The following POLK variants were observed in gnomAD, a reference collection of about 807,000 sequenced individuals.
The protein encoded by POLK is polymerase (DNA directed) kappa.
Under a neutral mutation model 94.0 loss-of-function variants are expected in POLK, and 76 were observed. That is an observed-to-expected ratio of 0.81 (90% CI 0.67 to 0.98). POLK has a LOEUF of 0.98. POLK is among the 50% of genes least tolerant of loss of function. POLK has a pLI of 0.00. For missense variants in POLK, 954 were observed against 1,010.1 expected, an observed-to-expected ratio of 0.94 and a Z score of 0.75; for synonymous variants, 349 against 325.4, an observed-to-expected ratio of 1.07 and a Z score of -0.78.
chr5:75,526,084 A>G (rs1422718602), intron 1 of POLK, among the ~76,000 whole-genome samples: 3 of 152,182 alleles, frequency 2.0e-5, no homozygotes, highest in African/African-American at 7.2e-5. Flanking sequence ...GTTACCATTT[A>G]TATATGCATG....
At chr5:75,591,626 C>T (rs983548099) in intron 11 of POLK, among the ~76,000 whole-genome samples, 2 of 152,142 alleles carry the variant, frequency 1.3e-5, no homozygotes, top group Non-Finnish European at 2.9e-5. Flanking sequence ...CCATTAATGT[C>T]GTCTCTGCCT....
intron 3 of POLK, among the ~76,000 whole-genome samples, chr5:75,559,225 A>T (rs1351334928): frequency 2.0e-5 from 3 of 152,156 alleles, no homozygotes; most frequent in African/African-American, 7.2e-5. Flanking sequence ...CGATTTTATT[A>T]TGTGTGATAT....
At chr5:75,593,138 CT>C (rs1016554150) in intron 11 of POLK, among the ~76,000 whole-genome samples, 2 of 151,282 alleles carry the variant, frequency 1.3e-5, no homozygotes, top group East Asian at 3.9e-4. Context: ...TTTAATTATT[CT>C]TTTTTTTTCT....
the POLK span, among the ~76,000 whole-genome samples, chr5:75,608,589 C>A: frequency 1.3e-5 from 2 of 152,076 alleles, no homozygotes; most frequent in African/African-American, 2.4e-5. Flanking sequence ...GTAAGTGTTA[C>A]AAAGGAAAGA....
At chr5:75,549,440 C>CT (rs376882673) in intron 2 of POLK, among the ~76,000 whole-genome samples, 7 of 150,444 alleles carry the variant, frequency 4.7e-5, no homozygotes, top group Non-Finnish European at 1.0e-4. Flanking sequence ...AGCACAATTT[C>CT]TTTTTTTTTA....
chr5:75,519,888 GGTAA>G (rs1458737784), intron 1 of POLK, among the ~76,000 whole-genome samples: 12 of 152,082 alleles, frequency 7.9e-5, no homozygotes, highest in Admixed American at 5.9e-4. Context: ...TGTTATTATT[GGTAA>G]GTAAGAACTT....
chr5:75,539,827 G>A (rs1166948857), intron 1 of POLK, among the ~76,000 whole-genome samples: 1 of 152,126 alleles, frequency 6.6e-6, no homozygotes, highest in African/African-American at 2.4e-5. Context: ...TCCCCTTTTT[G>A]TAGGTTACCC....
chr5:75,606,273 G>A, the POLK span, among the ~76,000 whole-genome samples: 1 of 9,888 alleles, frequency 1.0e-4, no homozygotes, highest in South Asian at 1.6e-3. Flanking sequence ...GTTTTATACC[G>A]AGACATTCCA....
At chr5:75,527,511 A>ACACT (rs1427378398) in intron 1 of POLK, among the ~76,000 whole-genome samples, 1 of 139,796 alleles carries the variant, frequency 7.2e-6, no homozygotes. Flanking sequence ...ATACACACAC[A>ACACT]CACACACACA....
chr5:75,587,141 C>A, intron 10 of POLK, 83 bp downstream of exon 10: 2 of 822,144 alleles, frequency 2.4e-6, no homozygotes, highest in Non-Finnish European at 3.8e-6. Flanking sequence ...GTAAATATCA[C>A]TGAAATAAGA....
At chr5:75,549,619 T>G (rs907387467) in intron 2 of POLK, among the ~76,000 whole-genome samples, 1 of 152,032 alleles carries the variant, frequency 6.6e-6, no homozygotes, top group African/African-American at 2.4e-5. Context: ...GTGCATGAGG[T>G]GAGTTTATCA....
At chr5:75,523,222 A>T (rs1768669838) in intron 1 of POLK, among the ~76,000 whole-genome samples, 1 of 152,228 alleles carries the variant, frequency 6.6e-6, no homozygotes, top group Admixed American at 6.5e-5. Context: ...ATTATATATG[A>T]TGTATTTAGT....
At position 75,527,479 on chromosome 5, in the gene POLK, C is replaced by CA. The variant is rs531406336; in HGVS notation, c.-14+15579dup. Among the ~76,000 whole-genome samples, 689 of 112,546 alleles carry CA rather than the reference C, an allele frequency of 6.1e-3. 4 individuals carry two copies. The highest frequency in any genetic ancestry group is 0.021 in the African/African-American group (610 of 29,052). 73.8% of individuals were successfully genotyped at this position (112,546 alleles called of 152,430 possible). On this transcript the variant is annotated intron_variant, in intron 1 of 14. Coordinates refer to ENST00000241436, the Ensembl canonical transcript of POLK. ...TGGGTGACAGAGTGAGACCCTGTCT[C>CA]AAAAAAAAAAAAAATTTATATATAC... is the stretch of plus-strand genomic sequence containing the variant.
intron 1 of POLK, among the ~76,000 whole-genome samples, chr5:75,517,531 C>T (rs1468875074): frequency 1.3e-5 from 2 of 152,148 alleles, no homozygotes; most frequent in Admixed American, 1.3e-4. Flanking sequence ...CAGTTCTTAA[C>T]AGCTTTTGGT....
intron 9 of POLK, among the ~76,000 whole-genome samples, chr5:75,586,065 TTTTTA>T (rs1361784932): frequency 1.3e-5 from 2 of 152,218 alleles, no homozygotes; most frequent in African/African-American, 2.4e-5. Context: ...TAAAACTTTA[TTTTTA>T]ATCCAAAAAT....
intron 1 of POLK, among the ~76,000 whole-genome samples, chr5:75,536,881 G>A (rs773174080): frequency 6.6e-6 from 1 of 152,178 alleles, no homozygotes; most frequent in Non-Finnish European, 1.5e-5. Context: ...TACCAGTGAC[G>A]GGGGCGGGTA....
intron 13 of POLK, 22 bp downstream of exon 13, chr5:75,597,200 A>G: frequency 8.7e-7 from 1 of 1,144,754 alleles, no homozygotes. Context: ...ATTGTTTTAA[A>G]CTGCATGATT....
rs370547427 is a variant in POLK at position 75,552,473 on chromosome 5, G to A, written c.137G>A (p.Gly46Glu). The change falls in exon 3 of 15, where the codon GGG becomes GAG. Residue 46 changes from glycine to glutamate, a missense_variant and splice_region_variant. By Grantham distance (98) the Gly-to-Glu change is moderately conservative (BLOSUM62 -2). Transcript: ENST00000241436. ...GCTTTGTTTTGTTTTCCTCCATAGGGGTCCAGATTTTATGGAAATGAGCTC... is the reference window on the plus strand; with the variant it reads ...GCTTTGTTTTGTTTTCCTCCATAGGAGTCCAGATTTTATGGAAATGAGCTC... The A allele has an allele frequency of 3.9e-5, 63 of 1,610,070 alleles. No homozygotes were observed. Among genetic ancestry groups the A allele is most frequent in the Admixed American group, 6.7e-5 (4 of 59,264 alleles).
At chr5:75,538,087 A>C (rs1769542732) in intron 1 of POLK, among the ~76,000 whole-genome samples, 1 of 151,976 alleles carries the variant, frequency 6.6e-6, no homozygotes, top group South Asian at 2.1e-4. Flanking sequence ...CGATCTCCTG[A>C]CCTTGTGATC....
Sources: gnomAD v4.1 joint callset for allele counts (sites outside exome capture counted in the v4.1 genomes callset) on GRCh38, gnomAD v4.1.1 for gene constraint, MANE v1.5 for transcripts, NCBI Gene and HGNC (gene_info 2026-07-23, HGNC 2026-07-21) for gene names.